ALG13: variants seen among roughly 807,000 people sequenced by gnomAD.
ALG13 encodes ALG13 UDP-N-acetylglucosaminyltransferase subunit.
In ALG13, 11 loss-of-function variants were observed where a neutral mutation model predicts 87.8. The ratio of observed to expected loss-of-function variants is 0.13; its 90% CI spans 0.08 to 0.21. ALG13 has a LOEUF of 0.21. Ranked by LOEUF, ALG13 falls within the 10% of genes least tolerant of loss-of-function variation. The probability of loss-of-function intolerance (pLI) is 1.00; values close to 1 mark genes in which losing one functional copy is unlikely to be tolerated. For synonymous variants in ALG13, 320 were observed against 306.3 expected, an observed-to-expected ratio of 1.04 and a Z score of -0.47; for missense variants, 756 against 866.1, an observed-to-expected ratio of 0.87 and a Z score of 1.60.
chrX:111,736,508 G>T (rs952425367), intron 22 of ALG13, among the ~76,000 whole-genome samples: 61 of 111,441 alleles, frequency 5.5e-4, no homozygotes, highest in African/African-American at 1.4e-3. Flanking sequence ...TACCTTTTTA[G>T]AAATAAATGA....
intron 21 of ALG13, among the ~76,000 whole-genome samples, chrX:111,731,137 CTCA>C (rs915875097): frequency 8.0e-5 from 9 of 112,049 alleles, no homozygotes; most frequent in Admixed American, 1.9e-4. Context: ...TGCCCTCCCT[CTCA>C]TAGGCAGAAT....
Position 111,727,243 on chromosome X carries a change from AAGAC to A in ALG13, c.1977-85_1977-82del, listed in dbSNP as rs1942167763. 3.3e-6 allele frequency: 3 copies of A among 902,304 alleles called. No homozygotes were observed. In the Admixed American group the frequency reaches 8.9e-5, roughly 27 times the overall value. The allele number at this position is 902,304 out of a possible 1,213,427, so 74.4% of individuals were successfully genotyped here. A position where few individuals can be genotyped will look rare whatever the true frequency, so the allele number is the denominator to read the frequency against. ...CTCTTTCTAGTTGAATGTTTTTAGA[AAGAC>A]AGATTAGTTCTATTTAACTACAGAG... On this transcript the variant is annotated intron_variant, in intron 16 of 26. Coordinates refer to ENST00000394780, the MANE Select transcript of ALG13 (RefSeq NM_001099922.3).
intron 23 of ALG13, among the ~76,000 whole-genome samples, chrX:111,741,790 G>GC (rs1943760669): frequency 9.4e-6 from 1 of 106,460 alleles, no homozygotes; most frequent in Non-Finnish European, 1.9e-5. Context: ...TCCAGCCTGG[G>GC]CAAGAGCGAG....
chrX:111,690,574 C>T (rs771380026), intron 3 of ALG13, among the ~76,000 whole-genome samples: 1 of 110,969 alleles, frequency 9.0e-6, no homozygotes, highest in Admixed American at 9.6e-5. Flanking sequence ...CATCAAGTAT[C>T]TGATTTTGGA....
chrX:111,694,517 ATTT>A (rs949951791), intron 3 of ALG13, among the ~76,000 whole-genome samples: 1 of 112,238 alleles, frequency 8.9e-6, no homozygotes, highest in Non-Finnish European at 1.9e-5. Flanking sequence ...ACTAAATGGA[ATTT>A]TTTATTTGTA....
chrX:111,719,009 G>A (rs2148121402), intron 10 of ALG13, among the ~76,000 whole-genome samples: 1 of 107,495 alleles, frequency 9.3e-6, no homozygotes, highest in Non-Finnish European at 1.9e-5. Context: ...GATGTTTAAA[G>A]CTTACAATTT....
chrX:111,681,814 C>T, intron 1 of ALG13: 1 of 853,810 alleles, frequency 1.2e-6, no homozygotes, highest in Non-Finnish European at 1.4e-6. Flanking sequence ...TCCCGGTTCT[C>T]GCAGTTGATC....
At chrX:111,694,528 G>C (rs980994567) in intron 3 of ALG13, among the ~76,000 whole-genome samples, 86 of 111,804 alleles carry the variant, frequency 7.7e-4, no homozygotes, top group African/African-American at 2.7e-3. Context: ...TTTTTTATTT[G>C]TAGTAATTAT....
At chrX:111,682,602 G>A (rs1396244097) in intron 2 of ALG13, among the ~76,000 whole-genome samples, 3 of 112,200 alleles carry the variant, frequency 2.7e-5, no homozygotes, top group Non-Finnish European at 5.6e-5. Context: ...AGAGAACTTA[G>A]TATTTTGGGG....
At chrX:111,705,333 T>A (rs1367513267) in intron 3 of ALG13, among the ~76,000 whole-genome samples, 1 of 112,107 alleles carries the variant, frequency 8.9e-6, no homozygotes, top group African/African-American at 3.2e-5. Flanking sequence ...TGGATTTTTT[T>A]TATTGTTGAC....
rs769587504 is a variant in ALG13, at chrX:111,759,827, G to A, written c.3242G>A (p.Gly1081Asp). 1 of 1,210,922 alleles carries A rather than the reference G, an allele frequency of 8.3e-7. No homozygotes were observed. The highest frequency in any genetic ancestry group is 1.1e-6 in the Non-Finnish European group (1 of 895,222). ...CCCTATGGGCAGCCACCTTTGCCAG[G>A]TTTTGACTCCTGCCTTCCGGTTGTG... ...SDPYGQPPLP[G>D]FDSCLPVVPD... is the part of the protein sequence containing the mutation. The change falls in exon 27 of 27, where the codon GGT becomes GAT. Residue 1081 changes from glycine to aspartate, a missense_variant. Physicochemically the swap from Gly to Asp is moderately conservative, Grantham distance 94. Transcript: ENST00000394780.
intron 2 of ALG13, among the ~76,000 whole-genome samples, chrX:111,683,007 C>CT (rs1200176627): frequency 1.1e-3 from 108 of 101,953 alleles, no homozygotes; most frequent in Middle Eastern, 5.0e-3. Context: ...TTTTTCCTTT[C>CT]TTTTTTTTTT....
chrX:111,682,346 T>A, intron 2 of ALG13, 52 bp downstream of exon 2: 1 of 1,030,273 alleles, frequency 9.7e-7, no homozygotes, highest in East Asian at 3.2e-5. Context: ...TAATTTTTTT[T>A]AAGTTCTGGG....
At chrX:111,688,157 T>G in intron 3 of ALG13, 1 of 837,643 alleles carries the variant, frequency 1.2e-6, no homozygotes. Flanking sequence ...TTGTGCACAT[T>G]TGCATTGGGT....
chrX:111,681,665 C>T (rs1489951202), intron 1 of ALG13: 10 of 896,189 alleles, frequency 1.1e-5, no homozygotes, highest in Non-Finnish European at 1.4e-5. Flanking sequence ...GCAGTTTTTC[C>T]TCAGGCCCCC....
chrX:111,743,009 A>G (rs1281584469), intron 23 of ALG13, among the ~76,000 whole-genome samples: 1 of 111,994 alleles, frequency 8.9e-6, no homozygotes, highest in African/African-American at 3.2e-5. Flanking sequence ...AAAAGCTTTT[A>G]CTTAGAGGGT....
intron 3 of ALG13, chrX:111,688,981 C>T: frequency 1.3e-6 from 1 of 742,000 alleles, no homozygotes; most frequent in African/African-American, 2.3e-5. Flanking sequence ...ACCTCTCTTC[C>T]ATTCCAATCA....
At chrX:111,730,626 T>TAG in intron 21 of ALG13, 46 bp downstream of exon 21, 1 of 980,574 alleles carries the variant, frequency 1.0e-6, no homozygotes, top group Non-Finnish European at 1.4e-6. Flanking sequence ...TACTATGTAC[T>TAG]AGGGCACTGT....
chrX:111,753,002 C>A, intron 25 of ALG13, 172 bp downstream of exon 25: 1 of 388,762 alleles, frequency 2.6e-6, no homozygotes. Context: ...TTTAGCCTCC[C>A]AGTGCTTTAG....
Sources: allele counts gnomAD v4.1 joint callset (sites outside exome capture counted in the v4.1 genomes callset), GRCh38; gene constraint gnomAD v4.1.1; transcripts MANE v1.5; gene names NCBI Gene and HGNC (gene_info 2026-07-23, HGNC 2026-07-21).